LONP1: variants seen among roughly 807,000 people sequenced by gnomAD.
LONP1 encodes the protein lon peptidase 1, mitochondrial, also known as lon protease homolog, mitochondrial.
LONP1 carries 31 observed loss-of-function variants against 98.5 expected under a neutral mutation model. That is an observed-to-expected ratio of 0.31 (90% CI 0.24 to 0.42). LONP1 has a LOEUF of 0.42. Among genes scored for constraint, LONP1 ranks in the 20% least tolerant of loss-of-function variants. The pLI, the probability that LONP1 is intolerant of heterozygous loss-of-function variation, is 1.00. For synonymous variants in LONP1, 781 were observed against 594.7 expected (o/e 1.31, Z -4.56); for missense variants, 1,336 against 1,350.6 (o/e 0.99, Z 0.17).
At chr19:5,694,602 G>T in intron 14 of LONP1, 50 bp from the exon 15 acceptor site, 1 of 1,524,746 alleles carries the variant, frequency 6.6e-7, no homozygotes. Flanking sequence ...GGTGACAGGT[G>T]CGGGGTGGTG....
At chr19:5,692,692 C>G (rs575547847) in intron 17 of LONP1, among the ~76,000 whole-genome samples, 1 of 152,186 alleles carries the variant, frequency 6.6e-6, no homozygotes, top group Non-Finnish European at 1.5e-5. Flanking sequence ...CCACTGTCAC[C>G]GCACACTGAC....
At position 5,719,826 on chromosome 19, in the gene LONP1, C is replaced by T. The variant is rs893310177; in HGVS notation, c.307G>A (p.Ala103Thr). ...GCCGTTATGACCGGGCCTTCCCCGG[C>T]GCCCGCGCTGCCCCCCGCGCCGCCG... ...GAGGAGGSAG[A>T]GEGPVITALT... Residue 103 changes from alanine to threonine, a missense_variant, in exon 1 of 18, where the codon GCC becomes ACC. Transcript: ENST00000360614. The T allele has an allele frequency of 1.9e-6, 3 of 1,610,372 alleles. No individual in the cohort carries two copies. The highest frequency in any genetic ancestry group is 2.7e-5 in the African/African-American group (2 of 74,874).
chr19:5,696,543 C>T, intron 11 of LONP1, 127 bp downstream of exon 11: 2 of 1,271,270 alleles, frequency 1.6e-6, no homozygotes, highest in South Asian at 1.4e-5. Context: ...CCCGTCCGTG[C>T]CATCAGGGCC....
At chr19:5,697,410 G>A (rs988338547) in intron 10 of LONP1, among the ~76,000 whole-genome samples, 3 of 151,538 alleles carry the variant, frequency 2.0e-5, no homozygotes, top group Non-Finnish European at 4.4e-5. Context: ...TGTGTTCCAG[G>A]CCCAGGACAC....
At chr19:5,720,184 G>T, upstream of LONP1, 3 of 1,383,784 alleles carry the variant, frequency 2.2e-6, no homozygotes, top group Non-Finnish European at 1.9e-6. Flanking sequence ...CGCTCGCCGC[G>T]AAACGCACGT....
intron 8 of LONP1, 41 bp downstream of exon 8, chr19:5,705,731 G>A: frequency 3.2e-6 from 5 of 1,581,284 alleles, no homozygotes; most frequent in Non-Finnish European, 3.5e-6. Context: ...GGCTGAGGAG[G>A]GGTCACCTGA....
intron 15 of LONP1, among the ~76,000 whole-genome samples, chr19:5,694,005 C>G (rs1048162037): frequency 6.6e-6 from 1 of 152,192 alleles, no homozygotes; most frequent in Admixed American, 6.5e-5. Context: ...ACAGAGGACA[C>G]GCCCAGGGCT....
chr19:5,693,847 C>A, intron 15 of LONP1, 78 bp from the exon 16 acceptor site: 1 of 1,190,626 alleles, frequency 8.4e-7, no homozygotes, highest in African/African-American at 1.5e-5. Context: ...CGGGGCCACT[C>A]TGACCGCTCC....
At chr19:5,713,727 A>G (rs1359753668) in intron 2 of LONP1, among the ~76,000 whole-genome samples, 2 of 151,876 alleles carry the variant, frequency 1.3e-5, no homozygotes, top group Non-Finnish European at 2.9e-5. Flanking sequence ...ACGCCTGGCT[A>G]ATGTTTTGTA....
chr19:5,698,643 C>T (rs1178356066), intron 10 of LONP1, among the ~76,000 whole-genome samples: 1 of 152,220 alleles, frequency 6.6e-6, no homozygotes, highest in African/African-American at 2.4e-5. Context: ...GGGGGTGGAG[C>T]CGACCCCACC....
chr19:5,692,300 G>A (rs3818815), intron 17 of LONP1, 92 bp from the exon 18 acceptor site: 17 of 1,271,742 alleles, frequency 1.3e-5, no homozygotes, highest in East Asian at 7.1e-5. Context: ...CCTGGGGACC[G>A]GCGATACACA....
At chr19:5,712,756 C>A (rs1021011103) in intron 3 of LONP1, among the ~76,000 whole-genome samples, 3 of 152,036 alleles carry the variant, frequency 2.0e-5, no homozygotes, top group African/African-American at 7.2e-5. Context: ...CAGCCTCTTG[C>A]GTAGCTGTGA....
intron 10 of LONP1, among the ~76,000 whole-genome samples, chr19:5,697,468 G>C (rs938040594): frequency 6.8e-6 from 1 of 148,088 alleles, no homozygotes; most frequent in Non-Finnish European, 1.5e-5. Context: ...TGTGTTAGAA[G>C]AACAGTGAGG....
intron 8 of LONP1, among the ~76,000 whole-genome samples, chr19:5,701,690 C>G (rs1455026969): frequency 2.0e-5 from 3 of 152,192 alleles, no homozygotes; most frequent in Non-Finnish European, 4.4e-5. Flanking sequence ...ACAACCTCCA[C>G]CTCCCAGCCG....
At chr19:5,696,517 C>T in intron 11 of LONP1, 146 bp from the exon 12 acceptor site, 1 of 1,324,538 alleles carries the variant, frequency 7.5e-7, no homozygotes, top group Non-Finnish European at 1.0e-6. Flanking sequence ...CTGGGCGTGG[C>T]TGTGGGTGGG....
chr19:5,702,392 G>A (rs1336653278), intron 8 of LONP1, among the ~76,000 whole-genome samples: 12 of 149,752 alleles, frequency 8.0e-5, no homozygotes, highest in South Asian at 4.2e-4. Flanking sequence ...CGCCCCGTCC[G>A]GGAGGTGAGG....
At chr19:5,692,973 A>AC (rs2054856183) in intron 17 of LONP1, among the ~76,000 whole-genome samples, 1 of 149,342 alleles carries the variant, frequency 6.7e-6, no homozygotes. Flanking sequence ...GGCTCCAAAC[A>AC]CCCCCGCCAC....
At position 5,696,054 on chromosome 19, in the gene LONP1, C is replaced by G. The variant is rs779472262; in HGVS notation, c.2013G>C (p.Glu671Asp). The G allele has an allele frequency of 6.2e-7, 1 of 1,611,726 alleles. No individual in the cohort carries two copies. The highest frequency in any genetic ancestry group is 8.5e-7 in the Non-Finnish European group (1 of 1,179,524). Reference protein sequence around the residue: ...YVAQEKLAIAERYLVPQARAL... With the variant: ...YVAQEKLAIADRYLVPQARAL... Reference sequence around the variant, plus strand: ...AGCAGTGGGGAGGGGCTGGGCTTACCTCCGCAATGGCCAGCTTCTCCTGGG... The same window carrying G: ...AGCAGTGGGGAGGGGCTGGGCTTACGTCCGCAATGGCCAGCTTCTCCTGGG... Residue 671 changes from glutamate (E) to aspartate (D), a missense_variant and splice_region_variant, in exon 13 of 18, where the codon GAG becomes GAC. Around this residue, in one of 5 missense-constraint regions of LONP1, gnomAD observed 555 missense variants for 542.6 expected, o/e 1.02. Coordinates refer to ENST00000360614, the MANE Select transcript of LONP1 (RefSeq NM_004793.4).
intron 8 of LONP1, among the ~76,000 whole-genome samples, chr19:5,701,457 A>G (rs1477373796): frequency 6.6e-6 from 1 of 152,042 alleles, no homozygotes; most frequent in Non-Finnish European, 1.5e-5. Context: ...GAGCCTGCCG[A>G]GTGCCTGCGA....
Sources: allele counts gnomAD v4.1 joint callset (sites outside exome capture counted in the v4.1 genomes callset), GRCh38; gene constraint gnomAD v4.1.1; regional missense constraint gnomAD v4.1.1; transcripts MANE v1.5; gene names NCBI Gene and HGNC (gene_info 2026-07-23, HGNC 2026-07-21).